PXDNL: variants seen among roughly 807,000 people sequenced by gnomAD.
PXDNL encodes peroxidasin like.
PXDNL carries 145 observed loss-of-function variants against 150.8 expected under a neutral mutation model. The observed-to-expected ratio is 0.96, with a 90% confidence interval of 0.84 to 1.10. PXDNL has a LOEUF of 1.10. Ranked by LOEUF, PXDNL falls within the 50% of genes least tolerant of loss-of-function variation. The probability of loss-of-function intolerance (pLI) is 0.00; values close to 1 mark genes in which losing one functional copy is unlikely to be tolerated. For synonymous variants in PXDNL, 757 were observed against 725.7 expected (o/e 1.04, Z -0.69); for missense variants, 2,087 against 1,873.9 (o/e 1.11, Z -2.10).
In PXDNL at chr8:51,367,957, G is replaced by A. The variant is rs376530417; in HGVS notation, c.3901+3916C>T. On this transcript the variant is annotated intron_variant, in intron 19 of 22. Coordinates refer to ENST00000356297, the MANE Select transcript of PXDNL (RefSeq NM_144651.5). ...AGCCTGATCAACATGGAGAAACCAC[G>A]TCTGTACTAAAAATACAAAAATTAG... Among the ~76,000 whole-genome samples, 4 of 152,160 alleles carry A rather than the reference G, an allele frequency of 2.6e-5. No homozygotes were observed. The East Asian group carries it at 5.8e-4, about 22-fold the overall frequency.
intron 1 of PXDNL, among the ~76,000 whole-genome samples, chr8:51,763,937 A>T (rs2037196579): frequency 6.6e-6 from 1 of 152,174 alleles, no homozygotes; most frequent in African/African-American, 2.4e-5. Flanking sequence ...AGTCACCTGG[A>T]CCTGGGATAT....
chr8:51,369,358 A>G (rs1807020902), intron 19 of PXDNL, among the ~76,000 whole-genome samples: 3 of 152,202 alleles, frequency 2.0e-5, no homozygotes, highest in Admixed American at 2.0e-4. Flanking sequence ...TCTAATCTAC[A>G]TAGAGCAATG....
At chr8:51,624,372 C>T (rs1021413827) in intron 2 of PXDNL, among the ~76,000 whole-genome samples, 1 of 151,974 alleles carries the variant, frequency 6.6e-6, no homozygotes, top group African/African-American at 2.4e-5. Flanking sequence ...CTAGTTTAAC[C>T]ATGAGATAAG....
intron 1 of PXDNL, among the ~76,000 whole-genome samples, chr8:51,748,618 A>C (rs935754087): frequency 6.6e-6 from 1 of 152,206 alleles, no homozygotes; most frequent in Non-Finnish European, 1.5e-5. Context: ...GGGGTGAAGC[A>C]GGAGTTATTT....
At chr8:51,726,113 G>T (rs1476762963) in intron 1 of PXDNL, among the ~76,000 whole-genome samples, 1 of 152,220 alleles carries the variant, frequency 6.6e-6, no homozygotes, top group Admixed American at 6.5e-5. Context: ...AAGAAATGCA[G>T]CGTTTTTTGA....
chr8:51,650,376 G>A (rs955327390), intron 2 of PXDNL, among the ~76,000 whole-genome samples: 1 of 152,048 alleles, frequency 6.6e-6, no homozygotes, highest in Non-Finnish European at 1.5e-5. Flanking sequence ...CACCCAAAAC[G>A]TTTCTGCCAT....
intron 4 of PXDNL, among the ~76,000 whole-genome samples, chr8:51,554,154 G>T (rs1312179541): frequency 6.6e-6 from 1 of 152,132 alleles, no homozygotes; most frequent in Non-Finnish European, 1.5e-5. Context: ...TGCTGCCAAG[G>T]CTTACCACTT....
chr8:51,729,164 C>T (rs1019079802), intron 1 of PXDNL, among the ~76,000 whole-genome samples: 1 of 152,096 alleles, frequency 6.6e-6, no homozygotes, highest in East Asian at 1.9e-4. Flanking sequence ...TAACACATAA[C>T]TTAAACTAGA....
chr8:51,703,558 A>G (rs1367041043), intron 1 of PXDNL, among the ~76,000 whole-genome samples: 1 of 152,006 alleles, frequency 6.6e-6, no homozygotes, highest in Non-Finnish European at 1.5e-5. Context: ...CTTTAACCCA[A>G]AGCTTCTCAA....
chr8:51,479,440 C>A (rs1810552765), intron 6 of PXDNL, among the ~76,000 whole-genome samples: 2 of 152,142 alleles, frequency 1.3e-5, no homozygotes, highest in African/African-American at 4.8e-5. Flanking sequence ...GACCCTGTTA[C>A]AAAATGTCTT....
At chr8:51,418,858 T>C (rs752874928) in intron 14 of PXDNL, among the ~76,000 whole-genome samples, 21 of 152,178 alleles carry the variant, frequency 1.4e-4, no homozygotes, top group Non-Finnish European at 2.8e-4. Context: ...GAAAGTTATT[T>C]CCAAACCTAC....
At chr8:51,323,191 A>C (rs1313878975) in intron 21 of PXDNL, among the ~76,000 whole-genome samples, 1 of 152,234 alleles carries the variant, frequency 6.6e-6, no homozygotes, top group Non-Finnish European at 1.5e-5. Context: ...ATCTATTCTA[A>C]ACTTTAGGCA....
At chr8:51,757,607 T>G (rs2037116189) in intron 1 of PXDNL, among the ~76,000 whole-genome samples, 1 of 152,262 alleles carries the variant, frequency 6.6e-6, no homozygotes, top group Non-Finnish European at 1.5e-5. Flanking sequence ...CTTGCTCATC[T>G]CCATTGTTAT....
chr8:51,359,012 A>C (rs539734212), intron 19 of PXDNL, among the ~76,000 whole-genome samples: 1 of 152,276 alleles, frequency 6.6e-6, no homozygotes, highest in Admixed American at 6.5e-5. Flanking sequence ...TCCACTTCTC[A>C]GAAAGCCAAG....
At chr8:51,545,606 A>G (rs56926711) in intron 4 of PXDNL, among the ~76,000 whole-genome samples, 2,824 of 152,228 alleles carry the variant, frequency 0.019, 38 homozygotes, top group African/African-American at 0.034. Flanking sequence ...CATGGCAGAA[A>G]GGCATCCCAT....
At chr8:51,722,831 T>A (rs894867895) in intron 1 of PXDNL, among the ~76,000 whole-genome samples, 5 of 152,114 alleles carry the variant, frequency 3.3e-5, no homozygotes, top group African/African-American at 4.8e-5. Context: ...AGGCAGTATT[T>A]TTTTTTCTAT....
At chr8:51,383,284 T>TAC (rs1807603013) in intron 17 of PXDNL, among the ~76,000 whole-genome samples, 1 of 152,230 alleles carries the variant, frequency 6.6e-6, no homozygotes, top group Non-Finnish European at 1.5e-5. Context: ...TCTGTATTAA[T>TAC]AGCTTTGGTA....
In PXDNL at chr8:51,319,984, C is replaced by G. The variant is rs571386178; in HGVS notation, c.4299G>C (p.Pro1433=). The G allele has an allele frequency of 1.3e-6, 2 of 1,569,992 alleles. No individual in the cohort carries two copies. Among genetic ancestry groups the G allele is most frequent in the Non-Finnish European group, 1.7e-6 (2 of 1,158,518 alleles). Residue 1433 remains proline, a synonymous_variant, in exon 23 of 23, where the codon CCG becomes CCC. Transcript: ENST00000356297. ...QVTCVVEICP[P]APCPSPELVK... ...CCAATTCAGGACTGGGACAGGGAGC[C>G]GGGGGACAAATCTCCACCACACAGG...
At chr8:51,565,325 G>A (rs11786048) in intron 3 of PXDNL, among the ~76,000 whole-genome samples, 13,301 of 47,678 alleles carry the variant, frequency 0.28, 687 homozygotes, top group Non-Finnish European at 0.35. Flanking sequence ...TAAATAAATA[G>A]ATAGATAGAT....
Sources: allele counts gnomAD v4.1 joint callset (sites outside exome capture counted in the v4.1 genomes callset), GRCh38; gene constraint gnomAD v4.1.1; transcripts MANE v1.5; gene names NCBI Gene and HGNC (gene_info 2026-07-23, HGNC 2026-07-21).